Variants in NCSTN observed in about 807,000 individuals in gnomAD.
The protein encoded by NCSTN is nicastrin.
NCSTN carries 22 observed loss-of-function variants against 87.0 expected under a neutral mutation model. That is an observed-to-expected ratio of 0.25 (90% CI 0.18 to 0.36). The LOEUF (loss-of-function observed/expected upper bound fraction) is 0.36. Among genes scored for constraint, NCSTN ranks in the 10% least tolerant of loss-of-function variants. The probability of loss-of-function intolerance (pLI) is 1.00; values close to 1 mark genes in which losing one functional copy is unlikely to be tolerated. For missense variants in NCSTN, 693 were observed against 883.3 expected (o/e 0.78, Z 2.73); for synonymous variants, 306 against 327.1 (o/e 0.94, Z 0.69).
chr1:160,349,063 A>G lies in NCSTN; in HGVS notation c.255A>G (p.Val85=), dbSNP rs1648684239. Reference sequence around the variant, plus strand: ...AGAAAGAGGAGGACCTACAGTGGGTATTGACTGATGGCCCCAACCCCCCTT... The same window carrying G: ...AGAAAGAGGAGGACCTACAGTGGGTGTTGACTGATGGCCCCAACCCCCCTT... ...VVEKEEDLQW[V]LTDGPNPPYM... Residue 85 remains valine, a synonymous_variant, in exon 3 of 17, where the codon GTA becomes GTG. Transcript: ENST00000294785. The G allele has an allele frequency of 6.2e-7, 1 of 1,614,166 alleles. No individual in the cohort carries two copies. Among genetic ancestry groups the G allele is most frequent in the Non-Finnish European group, 8.5e-7 (1 of 1,179,992 alleles).
chr1:160,350,836 AGATTT>A (rs1648798060), intron 5 of NCSTN, among the ~76,000 whole-genome samples: 1 of 152,134 alleles, frequency 6.6e-6, no homozygotes, highest in Non-Finnish European at 1.5e-5. Context: ...AGTAGTTAAG[AGATTT>A]GTCCAAAGTT....
chr1:160,356,203 T>G, intron 13 of NCSTN, 57 bp from the exon 14 acceptor site: 1 of 1,447,992 alleles, frequency 6.9e-7, no homozygotes, highest in Middle Eastern at 1.7e-4. Context: ...CTGATAATTC[T>G]TTCCCTGGGC....
intron 8 of NCSTN, among the ~76,000 whole-genome samples, chr1:160,352,537 C>G (rs1648912192): frequency 6.6e-6 from 1 of 152,208 alleles, no homozygotes; most frequent in Non-Finnish European, 1.5e-5. Context: ...GCTCCTGACT[C>G]TCATCACTAG....
At chr1:160,349,997 T>C in intron 4 of NCSTN, 108 bp from the exon 5 acceptor site, 1 of 1,361,854 alleles carries the variant, frequency 7.3e-7, no homozygotes, top group Non-Finnish European at 1.0e-6. Context: ...AGTCACCACC[T>C]CCTTTTGAAC....
chr1:160,343,665 C>T (rs911420404), intron 1 of NCSTN, 184 bp downstream of exon 1: 1 of 729,860 alleles, frequency 1.4e-6, no homozygotes, highest in Non-Finnish European at 2.5e-6. Flanking sequence ...GGTCCCTTCT[C>T]CCCCGCAGCA....
At chr1:160,344,143 T>C (rs1219923056) in intron 1 of NCSTN, among the ~76,000 whole-genome samples, 1 of 152,100 alleles carries the variant, frequency 6.6e-6, no homozygotes, top group Non-Finnish European at 1.5e-5. Context: ...AAAATGCAAA[T>C]GCCTGTATAT....
intron 11 of NCSTN, 149 bp from the exon 12 acceptor site, chr1:160,355,503 CCTT>C: frequency 4.3e-6 from 3 of 691,346 alleles, no homozygotes; most frequent in Non-Finnish European, 7.9e-6. Flanking sequence ...GTTCTCCACA[CCTT>C]CTGCAATATG....
At position 160,351,298 on chromosome 1, in the gene NCSTN, A is replaced by C. The variant is rs1648826313; in HGVS notation, c.659A>C (p.His220Pro). 6.2e-7 allele frequency: 1 copy of C among 1,614,130 alleles called. No individual in the cohort carries two copies. The highest frequency in any genetic ancestry group is 8.5e-7 in the Non-Finnish European group (1 of 1,180,002). ...FPLCAMQLFS[H>P]MHAVISTATC... Reference sequence around the variant, plus strand: ...CTATGTGCCATGCAGCTCTTTTCACACATGCATGCTGTCATCAGCACTGCC... The same window carrying C: ...CTATGTGCCATGCAGCTCTTTTCACCCATGCATGCTGTCATCAGCACTGCC... The change falls in exon 6 of 17, where the codon CAC becomes CCC. Residue 220 changes from histidine to proline, a missense_variant. Around this residue, in one of 4 missense-constraint regions of NCSTN, gnomAD observed 134 missense variants for 226.0 expected, o/e 0.59. Transcript: ENST00000294785.
At position 160,350,159 on chromosome 1, in the gene NCSTN, G is replaced by A; in HGVS notation, c.491G>A (p.Trp164Ter). 1 of 1,614,060 alleles carries A rather than the reference G, an allele frequency of 6.2e-7. No individual in the cohort carries two copies. Among genetic ancestry groups the A allele is most frequent in the Non-Finnish European group, 8.5e-7 (1 of 1,179,940 alleles). The change falls in exon 5 of 17, where the codon TGG becomes TAG. Residue 164 changes from tryptophan (W) to a stop codon, truncating the protein, a stop_gained. Coordinates refer to ENST00000294785, the MANE Select transcript of NCSTN (RefSeq NM_015331.3). LOFTEE classifies it high-confidence loss of function. Reference protein sequence around the residue: ...PEFAHCREIQWNSLGNGLAYE... With the variant: ...PEFAHCREIQ ...TTTGCTCACTGCAGAGAAATACAGTGGAATTCGCTGGGCAATGGTTTGGCT... is the reference window on the plus strand; with the variant it reads ...TTTGCTCACTGCAGAGAAATACAGTAGAATTCGCTGGGCAATGGTTTGGCT...
At chr1:160,353,109 G>A in intron 9 of NCSTN, 51 bp from the exon 10 acceptor site, 42 of 1,600,516 alleles carry the variant, frequency 2.6e-5, no homozygotes, top group Non-Finnish European at 3.4e-5. Flanking sequence ...CCTAGGCATG[G>A]CCCAGAACAG....
chr1:160,352,697 A>T (rs761350588), intron 8 of NCSTN, among the ~76,000 whole-genome samples, 190 bp from the exon 9 acceptor site: 3 of 152,190 alleles, frequency 2.0e-5, no homozygotes, highest in Non-Finnish European at 4.4e-5. Flanking sequence ...CTTGTAATAC[A>T]TATGAGGGAT....
intron 6 of NCSTN, 75 bp from the exon 7 acceptor site, chr1:160,351,621 A>G: frequency 1.4e-6 from 2 of 1,401,386 alleles, no homozygotes; most frequent in South Asian, 1.2e-5. Context: ...CACTGGTCAG[A>G]GATTTCCAAT....
chr1:160,349,236 G>C, intron 3 of NCSTN, 114 bp downstream of exon 3: 1 of 1,422,432 alleles, frequency 7.0e-7, no homozygotes, highest in Non-Finnish European at 9.8e-7. Flanking sequence ...GGTCAGGGGA[G>C]AGGGCAGGGT....
chr1:160,358,837 G>C lies in NCSTN; in HGVS notation c.*566G>C, dbSNP rs1224438592. The C allele has an allele frequency of 1.3e-5, 2 of 159,968 alleles. No homozygotes were observed. The highest frequency in any genetic ancestry group is 4.8e-5 in the African/African-American group (2 of 41,552). 9.9% of individuals were successfully genotyped at this position (159,968 alleles called of 1,614,324 possible). On this transcript the variant is annotated 3_prime_UTR_variant, in exon 17 of 17. Transcript: ENST00000294785. The stretch of plus-strand genomic sequence containing the variant: ...GGGTATCCCACCTCCAGCCCACAGT[G>C]CTCAGTTGTACTTTTTATTAAGCTG...
In NCSTN at chr1:160,357,260, T is replaced by C; in HGVS notation, c.2007+7T>C. ...CGCCAGCAAAGAGCTTGAGGTGAGA[T>C]GGGGCAGGGGCATAGGTGGCAGGGA... On this transcript the variant is annotated splice_region_variant and intron_variant, in intron 16 of 16. Transcript: ENST00000294785. 6.2e-7 allele frequency: 1 copy of C among 1,609,680 alleles called. No homozygotes were observed. The highest frequency in any genetic ancestry group is 8.5e-7 in the Non-Finnish European group (1 of 1,177,676).
chr1:160,349,039 G>C lies in NCSTN; in HGVS notation c.231G>C (p.Glu77Asp), dbSNP rs35603924. Residue 77 changes from glutamate to aspartate, a missense_variant, in exon 3 of 17, where the codon GAG (glutamate) becomes GAC (aspartate). Around this residue, in one of 4 missense-constraint regions of NCSTN, gnomAD observed 235 missense variants for 233.9 expected, o/e 1.00. Transcript: ENST00000294785. Reference protein sequence around the residue: ...SGDTGVIHVVEKEEDLQWVLT... With the variant: ...SGDTGVIHVVDKEEDLQWVLT... ...ACACAGGGGTTATCCACGTAGTAGA[G>C]AAAGAGGAGGACCTACAGTGGGTAT... The C allele has an allele frequency of 2.8e-3, 4,507 of 1,614,174 alleles. 122 individuals are homozygous for C. The African/African-American group carries it at 0.054, about 19-fold the overall frequency.
At chr1:160,352,684 A>G (rs1238166185) in intron 8 of NCSTN, among the ~76,000 whole-genome samples, 1 of 152,200 alleles carries the variant, frequency 6.6e-6, no homozygotes, top group Admixed American at 6.5e-5. Flanking sequence ...GGGCTTCAGA[A>G]GTCTTGTAAT....
At chr1:160,344,339 A>C (rs1468920640) in intron 1 of NCSTN, 2 of 820,480 alleles carry the variant, frequency 2.4e-6, no homozygotes, top group Non-Finnish European at 3.6e-6. Context: ...AAGTTTTCTT[A>C]GCCCAGCACC....
intron 16 of NCSTN, 141 bp from the exon 17 acceptor site, chr1:160,358,008 T>G: frequency 9.7e-7 from 1 of 1,032,330 alleles, no homozygotes; most frequent in South Asian, 1.3e-5. Context: ...GCTGGAGAGA[T>G]GTTGCCCATG....
Sources: allele counts gnomAD v4.1 joint callset (sites outside exome capture counted in the v4.1 genomes callset), GRCh38; gene constraint gnomAD v4.1.1; regional missense constraint gnomAD v4.1.1; transcripts MANE v1.5; gene names NCBI Gene and HGNC (gene_info 2026-07-23, HGNC 2026-07-21).